The following CEP70 variants were observed in gnomAD, a reference collection of about 807,000 sequenced individuals.
CEP70 encodes the protein centrosomal protein of 70 kDa.
In CEP70, 70 loss-of-function variants were observed where a neutral mutation model predicts 90.9. That is an observed-to-expected ratio of 0.77 (90% CI 0.64 to 0.94). The LOEUF is 0.94. Among genes scored for constraint, CEP70 ranks in the 40% least tolerant of loss-of-function variants. The probability of loss-of-function intolerance (pLI) is 0.00; values close to 1 mark genes in which losing one functional copy is unlikely to be tolerated. For missense variants in CEP70, 648 were observed against 669.0 expected, an observed-to-expected ratio of 0.97 and a Z score of 0.35; for synonymous variants, 220 against 228.3, an observed-to-expected ratio of 0.96 and a Z score of 0.33.
chr3:138,524,420 C>A (rs1191928739), intron 11 of CEP70, among the ~76,000 whole-genome samples: 1 of 152,046 alleles, frequency 6.6e-6, no homozygotes, highest in African/African-American at 2.4e-5. Context: ...AAAGAAACTA[C>A]CATCAGAGTG....
chr3:138,532,634 C>G, intron 7 of CEP70, 64 bp from the exon 8 acceptor site: 2 of 1,278,706 alleles, frequency 1.6e-6, no homozygotes, highest in South Asian at 1.8e-5. Context: ...CTACTAGTTT[C>G]ACCACATAAT....
At chr3:138,501,667 A>C (rs931839092) in intron 13 of CEP70, among the ~76,000 whole-genome samples, 1 of 152,196 alleles carries the variant, frequency 6.6e-6, no homozygotes, top group Non-Finnish European at 1.5e-5. Context: ...CTACATTATA[A>C]TACTCCACTT....
chr3:138,548,044 A>G (rs113708690), intron 6 of CEP70, among the ~76,000 whole-genome samples: 67 of 152,336 alleles, frequency 4.4e-4, no homozygotes, highest in African/African-American at 1.6e-3. Context: ...CATTATCCTG[A>G]TACCAAAGCC....
intron 2 of CEP70, among the ~76,000 whole-genome samples, chr3:138,583,909 TG>T (rs1445571572): frequency 3.3e-5 from 5 of 151,414 alleles, no homozygotes; most frequent in Non-Finnish European, 7.4e-5. Context: ...CAAACCAAAC[TG>T]AAAGTAGAAG....
chr3:138,557,539 A>G (rs921488082), intron 6 of CEP70, among the ~76,000 whole-genome samples: 3 of 152,246 alleles, frequency 2.0e-5, no homozygotes, highest in African/African-American at 7.2e-5. Context: ...GGGAACTAAT[A>G]AATGTCCACG....
intron 2 of CEP70, 188 bp from the exon 3 acceptor site, chr3:138,573,120 T>C: frequency 1.7e-6 from 1 of 582,662 alleles, no homozygotes; most frequent in South Asian, 2.1e-5. Context: ...ATTGTAAGAC[T>C]CATTTGAATA....
chr3:138,572,898 A>C lies in CEP70; in HGVS notation c.30T>G (p.Asp10Glu). 5 of 1,611,580 alleles carry C rather than the reference A, an allele frequency of 3.1e-6. No individual in the cohort carries two copies. The highest frequency in any genetic ancestry group is 4.2e-6 in the Non-Finnish European group (5 of 1,178,208). Residue 10 changes from aspartate to glutamate, a missense_variant, in exon 3 of 18, where the codon GAT becomes GAG. Asp to Glu is a conservative substitution (Grantham distance 45). Coordinates refer to ENST00000264982, the MANE Select transcript of CEP70 (RefSeq NM_024491.4). Reference protein sequence around the residue: MFPVAPKPQDSSQPSDRLMT... With the variant: MFPVAPKPQESSQPSDRLMT... Reference sequence around the variant, plus strand: ...TGAGTCTGTCTGATGGTTGACTGGAATCCTGGGGTTTAGGGGCTACCGGAA... The same window carrying C: ...TGAGTCTGTCTGATGGTTGACTGGACTCCTGGGGTTTAGGGGCTACCGGAA...
intron 11 of CEP70, among the ~76,000 whole-genome samples, chr3:138,511,042 TTTTTA>T (rs2035487904): frequency 6.6e-6 from 1 of 151,686 alleles, no homozygotes; most frequent in African/African-American, 2.4e-5. Flanking sequence ...GTTGTTGTTG[TTTTTA>T]TTTTTAGTAG....
intron 6 of CEP70, among the ~76,000 whole-genome samples, chr3:138,568,995 AAAAAAAAAACAC>A (rs1340822527): frequency 6.8e-6 from 1 of 146,720 alleles, no homozygotes; most frequent in African/African-American, 2.7e-5. Context: ...AAAAACAAAC[AAAAAAAAAACAC>A]AAAAAAAAAC....
At chr3:138,563,259 T>C (rs2040541947) in intron 6 of CEP70, among the ~76,000 whole-genome samples, 2 of 152,124 alleles carry the variant, frequency 1.3e-5, no homozygotes, top group South Asian at 2.1e-4. Flanking sequence ...TGGGAGACTT[T>C]AACACCCCAC....
chr3:138,554,076 C>G (rs934950072), intron 6 of CEP70, among the ~76,000 whole-genome samples: 1 of 151,916 alleles, frequency 6.6e-6, no homozygotes, highest in Non-Finnish European at 1.5e-5. Context: ...TGGTGCATGC[C>G]TGTAATCCCA....
At chr3:138,522,392 T>C (rs1183043857) in intron 11 of CEP70, among the ~76,000 whole-genome samples, 3 of 142,018 alleles carry the variant, frequency 2.1e-5, no homozygotes, top group East Asian at 2.1e-4. Flanking sequence ...CTGAAGGAAA[T>C]AGAGACACAA....
intron 11 of CEP70, among the ~76,000 whole-genome samples, chr3:138,521,086 A>C (rs2036576426): frequency 6.6e-6 from 1 of 152,220 alleles, no homozygotes; most frequent in South Asian, 2.1e-4. Context: ...CCGGGATTGC[A>C]GACAGAGTCT....
chr3:138,505,270 C>T (rs754625861), intron 13 of CEP70, 25 bp downstream of exon 13: 5 of 1,558,352 alleles, frequency 3.2e-6, no homozygotes, highest in Non-Finnish European at 4.3e-6. Flanking sequence ...ATGTTCAAAG[C>T]ATATAATCAT....
At chr3:138,553,200 C>T (rs1308044822) in intron 6 of CEP70, among the ~76,000 whole-genome samples, 2 of 152,064 alleles carry the variant, frequency 1.3e-5, no homozygotes, top group African/African-American at 4.8e-5. Context: ...AAAATACCGG[C>T]TGGGCACGAT....
At chr3:138,592,394 C>T (rs775984921) in intron 1 of CEP70, among the ~76,000 whole-genome samples, 7 of 152,178 alleles carry the variant, frequency 4.6e-5, no homozygotes, top group Non-Finnish European at 1.0e-4. Context: ...AATAAACGGG[C>T]CAATAGTTTG....
At chr3:138,527,451 T>C (rs1285786239) in intron 10 of CEP70, among the ~76,000 whole-genome samples, 1 of 151,910 alleles carries the variant, frequency 6.6e-6, no homozygotes, top group Non-Finnish European at 1.5e-5. Flanking sequence ...AATTAACACT[T>C]TGGGAGGCCG....
chr3:138,551,758 A>C (rs554417638), intron 6 of CEP70, among the ~76,000 whole-genome samples: 32 of 141,908 alleles, frequency 2.3e-4, no homozygotes, highest in African/African-American at 8.1e-4. Flanking sequence ...AAAAAAAAAA[A>C]TAAAATAAAA....
intron 6 of CEP70, among the ~76,000 whole-genome samples, chr3:138,540,966 A>C (rs1031956763): frequency 6.6e-6 from 1 of 152,238 alleles, no homozygotes; most frequent in Non-Finnish European, 1.5e-5. Flanking sequence ...GCTGAACGGC[A>C]TTATCCTTAG....
Sources: allele counts gnomAD v4.1 joint callset (sites outside exome capture counted in the v4.1 genomes callset), GRCh38; gene constraint gnomAD v4.1.1; transcripts MANE v1.5; gene names NCBI Gene and HGNC (gene_info 2026-07-23, HGNC 2026-07-21).